Variants in MCPH1 observed in about 807,000 individuals in gnomAD.
MCPH1 encodes microcephalin.
In MCPH1, 104 loss-of-function variants were observed where a neutral mutation model predicts 84.5. The ratio of observed to expected loss-of-function variants is 1.23; its 90% CI spans 1.05 to 1.45. The LOEUF (loss-of-function observed/expected upper bound fraction) is 1.45. Among genes scored for constraint, MCPH1 ranks in the 40% most tolerant of loss-of-function variants. The pLI is 0.00. For synonymous variants in MCPH1, 514 were observed against 366.8 expected (o/e 1.40, Z -4.58); for missense variants, 1,498 against 1,005.7 (o/e 1.49, Z -6.62).
At chr8:6,533,569 CTTTTT>C (rs56882906) in intron 12 of MCPH1, among the ~76,000 whole-genome samples, 41 of 113,350 alleles carry the variant, frequency 3.6e-4, no homozygotes, top group East Asian at 1.9e-3. Context: ...CGTTTAGTTT[CTTTTT>C]TTTTTTTTTT....
intron 12 of MCPH1, among the ~76,000 whole-genome samples, chr8:6,576,118 AC>A (rs1326035160): frequency 1.3e-5 from 2 of 151,960 alleles, no homozygotes; most frequent in African/African-American, 2.4e-5. Context: ...CCTCCACCAA[AC>A]ACTGTTGCCA....
intron 12 of MCPH1, among the ~76,000 whole-genome samples, chr8:6,554,302 AAGAG>A (rs1266613942): frequency 6.9e-6 from 1 of 145,368 alleles, no homozygotes; most frequent in Non-Finnish European, 1.5e-5. Context: ...GGATTTTAAA[AAGAG>A]AGAAAAAAAA....
intron 12 of MCPH1, chr8:6,521,106 T>A: frequency 4.0e-6 from 5 of 1,245,792 alleles, no homozygotes; most frequent in Non-Finnish European, 5.7e-6. Context: ...AAGGTGAGAA[T>A]TTTTTAGTCT....
At chr8:6,589,502 G>T (rs1243869911) in intron 12 of MCPH1, among the ~76,000 whole-genome samples, 1 of 152,152 alleles carries the variant, frequency 6.6e-6, no homozygotes, top group African/African-American at 2.4e-5. Context: ...GTCACTTGGA[G>T]CACCGGCATC....
intron 8 of MCPH1, chr8:6,446,221 A>G: frequency 2.2e-6 from 2 of 928,552 alleles, no homozygotes; most frequent in Non-Finnish European, 2.6e-6. Flanking sequence ...AGTCAAAACA[A>G]TAAAAAATTT....
chr8:6,414,616 A>T (rs1799000287), intron 2 of MCPH1, 149 bp from the exon 3 acceptor site: 1 of 711,926 alleles, frequency 1.4e-6, no homozygotes, highest in Non-Finnish European at 2.2e-6. Context: ...TGGAACAGAT[A>T]TGTTTTAAGC....
intron 11 of MCPH1, among the ~76,000 whole-genome samples, chr8:6,481,509 A>G (rs1809238262): frequency 6.6e-6 from 1 of 152,218 alleles, no homozygotes; most frequent in Non-Finnish European, 1.5e-5. Context: ...TTCTGGTGAC[A>G]GTAGCATCAC....
intron 12 of MCPH1, among the ~76,000 whole-genome samples, chr8:6,585,438 G>A (rs944576196): frequency 3.3e-5 from 5 of 152,214 alleles, no homozygotes; most frequent in African/African-American, 4.8e-5. Context: ...GCCCCTTCCC[G>A]GGAACGCCGG....
chr8:6,419,379 C>T (rs533224478), intron 3 of MCPH1, among the ~76,000 whole-genome samples: 3 of 138,902 alleles, frequency 2.2e-5, no homozygotes, highest in African/African-American at 8.1e-5. Flanking sequence ...TGCCACCATG[C>T]CCAGCCATTA....
In MCPH1 at chr8:6,621,720, G is replaced by A. The variant is rs536550350; in HGVS notation, c.2452+29G>A. ...AGAATCCAGGCACACAGACGCTGTGGTGTGGTCCAGATCTGTGGACAGGTT... is the reference window on the plus strand; with the variant it reads ...AGAATCCAGGCACACAGACGCTGTGATGTGGTCCAGATCTGTGGACAGGTT... On this transcript the variant is annotated intron_variant, in intron 13 of 13. Coordinates refer to ENST00000344683, the MANE Select transcript of MCPH1 (RefSeq NM_024596.5). The A allele has an allele frequency of 3.1e-6, 5 of 1,613,750 alleles. No homozygotes were observed. The South Asian group carries it at 4.4e-5, about 14-fold the overall frequency.
At chr8:6,527,542 G>A (rs1272086949) in intron 12 of MCPH1, 2 of 1,611,566 alleles carry the variant, frequency 1.2e-6, no homozygotes, top group South Asian at 1.1e-5. Flanking sequence ...AAATGTTTTA[G>A]TACTGTTATT....
chr8:6,497,022 G>T (rs2916719), intron 11 of MCPH1, among the ~76,000 whole-genome samples: 1 of 151,920 alleles, frequency 6.6e-6, no homozygotes, highest in African/African-American at 2.4e-5. Context: ...AATAAATTTT[G>T]TTCTTAGCTG....
intron 11 of MCPH1, among the ~76,000 whole-genome samples, chr8:6,493,208 G>A (rs2129561402): frequency 6.6e-6 from 1 of 152,264 alleles, no homozygotes; most frequent in African/African-American, 2.4e-5. Flanking sequence ...GGTTTTCCTG[G>A]TCATTGCTTA....
Position 6,431,633 on chromosome 8 carries a change from C to T in MCPH1, c.321+47C>T, listed in dbSNP as rs192919183. On this transcript the variant is annotated intron_variant, in intron 4 of 13. Transcript: ENST00000344683. ...AGATAATGGCAATTAGGAATTTATT[C>T]GTTTTTATTTTTTATTTCTAGAAAA... The T allele has an allele frequency of 8.5e-4, 1,097 of 1,292,532 alleles. 13 individuals are homozygous for T. The East Asian group carries it at 0.022, about 26-fold the overall frequency. 80.1% of individuals were successfully genotyped at this position (1,292,532 alleles called of 1,614,324 possible). A position where few individuals can be genotyped will look rare whatever the true frequency, so the allele number is the denominator to read the frequency against.
intron 12 of MCPH1, among the ~76,000 whole-genome samples, chr8:6,570,800 G>A (rs957049916): frequency 1.0e-5 from 1 of 96,386 alleles, no homozygotes; most frequent in African/African-American, 4.0e-5. Flanking sequence ...CAGATGGATT[G>A]TTGTTTTTTT....
At chr8:6,475,071 G>A (rs1295498667) in intron 9 of MCPH1, among the ~76,000 whole-genome samples, 1 of 152,184 alleles carries the variant, frequency 6.6e-6, no homozygotes, top group African/African-American at 2.4e-5. Context: ...ATTTATAGGT[G>A]TCTCTTTATT....
intron 12 of MCPH1, among the ~76,000 whole-genome samples, chr8:6,552,423 T>C (rs6981002): frequency 0.081 from 12,265 of 152,248 alleles, 1,414 homozygotes; most frequent in African/African-American, 0.26. Flanking sequence ...ACGATGGTCC[T>C]TTTCATTGTC....
chr8:6,636,820 G>T (rs1485190865), intron 13 of MCPH1, among the ~76,000 whole-genome samples: 1 of 152,088 alleles, frequency 6.6e-6, no homozygotes, highest in Non-Finnish European at 1.5e-5. Context: ...AAAAAATCTG[G>T]AATTCAAAAC....
intron 12 of MCPH1, among the ~76,000 whole-genome samples, chr8:6,550,939 T>A (rs1823539719): frequency 6.6e-6 from 1 of 151,864 alleles, no homozygotes; most frequent in African/African-American, 2.4e-5. Flanking sequence ...AAGGAGTGCC[T>A]CTCTCTGTTT....
Sources: allele counts gnomAD v4.1 joint callset (sites outside exome capture counted in the v4.1 genomes callset), GRCh38; gene constraint gnomAD v4.1.1; transcripts MANE v1.5; gene names NCBI Gene and HGNC (gene_info 2026-07-23, HGNC 2026-07-21).